LRMDA: variants seen among roughly 807,000 people sequenced by gnomAD.
LRMDA encodes the protein leucine-rich melanocyte differentiation-associated protein.
LRMDA carries 18 observed loss-of-function variants against 29.8 expected under a neutral mutation model. The ratio of observed to expected loss-of-function variants is 0.60; its 90% CI spans 0.42 to 0.90. The LOEUF is 0.90. Ranked by LOEUF, LRMDA falls within the 40% of genes least tolerant of loss-of-function variation. The probability of loss-of-function intolerance (pLI) is 0.00; values close to 1 mark genes in which losing one functional copy is unlikely to be tolerated. For missense variants in LRMDA, 273 were observed against 273.9 expected (o/e 1.00, Z 0.02); for synonymous variants, 125 against 109.4 (o/e 1.14, Z -0.89).
chr10:75,742,552 G>A (rs1371629219), intron 2 of LRMDA, among the ~76,000 whole-genome samples: 1 of 152,176 alleles, frequency 6.6e-6, no homozygotes, highest in Non-Finnish European at 1.5e-5. Flanking sequence ...TAAGCCACAT[G>A]GGGACAGCCA....
chr10:75,591,625 T>C (rs912903636), intron 2 of LRMDA, among the ~76,000 whole-genome samples: 1 of 152,234 alleles, frequency 6.6e-6, no homozygotes, highest in Non-Finnish European at 1.5e-5. Context: ...AAAGATGTCA[T>C]CTTGAAGTTT....
intron 5 of LRMDA, among the ~76,000 whole-genome samples, chr10:76,131,369 C>G (rs1479906782): frequency 1.3e-5 from 2 of 152,178 alleles, no homozygotes; most frequent in Non-Finnish European, 2.9e-5. Context: ...AGAATCACCC[C>G]TGAGGTGCCA....
chr10:76,209,454 C>G (rs1851596944), intron 5 of LRMDA, among the ~76,000 whole-genome samples: 1 of 152,128 alleles, frequency 6.6e-6, no homozygotes, highest in African/African-American at 2.4e-5. Flanking sequence ...GTGTTTTCTT[C>G]TCTCTCTGGA....
At chr10:75,757,524 C>T (rs997120138) in intron 2 of LRMDA, among the ~76,000 whole-genome samples, 1 of 152,054 alleles carries the variant, frequency 6.6e-6, no homozygotes, top group East Asian at 1.9e-4. Context: ...TGGCATTGGT[C>T]CCCCCGTGTT....
intron 6 of LRMDA, among the ~76,000 whole-genome samples, chr10:76,340,414 G>A (rs1006413247): frequency 6.7e-5 from 10 of 150,082 alleles, no homozygotes; most frequent in Non-Finnish European, 1.3e-4. Context: ...TACTTGGGAG[G>A]CTGAGGCATG....
intron 5 of LRMDA, among the ~76,000 whole-genome samples, chr10:76,268,738 C>T (rs1840033853): frequency 6.6e-6 from 1 of 152,172 alleles, no homozygotes; most frequent in Admixed American, 6.5e-5. Flanking sequence ...TAAATCAGCT[C>T]TGTCCTTACG....
intron 2 of LRMDA, among the ~76,000 whole-genome samples, chr10:75,900,642 T>C (rs1845655040): frequency 6.6e-6 from 1 of 152,148 alleles, no homozygotes; most frequent in African/African-American, 2.4e-5. Flanking sequence ...GAGGGGTTAA[T>C]GCACACAGAT....
chr10:75,860,573 C>T (rs1239157861), intron 2 of LRMDA, among the ~76,000 whole-genome samples: 7 of 152,088 alleles, frequency 4.6e-5, no homozygotes, highest in African/African-American at 1.4e-4. Context: ...CTGTCCGCCT[C>T]GGCCTCCCAA....
At chr10:75,887,018 A>G (rs1048421846) in intron 2 of LRMDA, among the ~76,000 whole-genome samples, 21 of 152,120 alleles carry the variant, frequency 1.4e-4, no homozygotes, top group African/African-American at 4.1e-4. Flanking sequence ...TTGATAGATG[A>G]CCTAGAATGG....
chr10:76,249,502 T>C (rs1232045802), intron 5 of LRMDA, among the ~76,000 whole-genome samples: 1 of 152,194 alleles, frequency 6.6e-6, no homozygotes, highest in Non-Finnish European at 1.5e-5. Flanking sequence ...AATCCACTCT[T>C]ATGGTATCAG....
intron 5 of LRMDA, among the ~76,000 whole-genome samples, chr10:76,062,376 G>A (rs1848714989): frequency 6.6e-6 from 1 of 152,174 alleles, no homozygotes. Flanking sequence ...CGGGCAGTCT[G>A]GGTGTTCTCG....
intron 5 of LRMDA, among the ~76,000 whole-genome samples, chr10:76,150,407 GCT>G (rs932204543): frequency 2.0e-5 from 3 of 152,176 alleles, no homozygotes; most frequent in African/African-American, 7.2e-5. Flanking sequence ...GCTTGGACCT[GCT>G]CTGTTTTCTT....
At chr10:75,493,348 GGTGTGTGTGTGTGTGT>G (rs3220724) in intron 2 of LRMDA, among the ~76,000 whole-genome samples, 1 of 133,270 alleles carries the variant, frequency 7.5e-6, no homozygotes, top group African/African-American at 2.9e-5. Flanking sequence ...GTTGAGATTG[GGTGTGTGTGTGTGTGT>G]GTGTGTGTGT....
At chr10:76,373,303 C>T (rs1490009713) in intron 6 of LRMDA, among the ~76,000 whole-genome samples, 1 of 151,980 alleles carries the variant, frequency 6.6e-6, no homozygotes, top group Non-Finnish European at 1.5e-5. Flanking sequence ...TGGAAATAGT[C>T]CATCAGCATT....
intron 2 of LRMDA, among the ~76,000 whole-genome samples, chr10:75,845,331 T>G (rs1302056798): frequency 6.6e-6 from 1 of 152,202 alleles, no homozygotes; most frequent in Non-Finnish European, 1.5e-5. Context: ...GCAATATTAT[T>G]TGACATCTGG....
chr10:75,612,652 G>T (rs1045097324), intron 2 of LRMDA, among the ~76,000 whole-genome samples: 5 of 147,434 alleles, frequency 3.4e-5, no homozygotes, highest in Non-Finnish European at 7.5e-5. Flanking sequence ...TTATATATTT[G>T]TATATATAAA....
chr10:76,045,366 T>C (rs1308556582), intron 3 of LRMDA, among the ~76,000 whole-genome samples: 2 of 149,436 alleles, frequency 1.3e-5, no homozygotes, highest in Admixed American at 1.3e-4. Context: ...AGTTTCTCCC[T>C]CTGGTTAGTT....
chr10:76,270,063 TG>T (rs1168093720), intron 5 of LRMDA: 1 of 152,252 alleles, frequency 6.6e-6, no homozygotes. Context: ...GCATCTATTC[TG>T]TGCACACCCT....
At chr10:75,432,165 A>G (rs2132017104) in intron 1 of LRMDA, among the ~76,000 whole-genome samples, 1 of 152,370 alleles carries the variant, frequency 6.6e-6, no homozygotes, top group Non-Finnish European at 1.5e-5. Flanking sequence ...TCATCTTTAT[A>G]CCAATGCAGT....
Sources: allele counts gnomAD v4.1 joint callset (sites outside exome capture counted in the v4.1 genomes callset), GRCh38; gene constraint gnomAD v4.1.1; transcripts MANE v1.5; gene names NCBI Gene and HGNC (gene_info 2026-07-23, HGNC 2026-07-21).